Variants in PDE3A observed in about 807,000 individuals in gnomAD.
PDE3A encodes cGMP-inhibited 3',5'-cyclic phosphodiesterase 3A.
A neutral mutation model predicts 98.3 loss-of-function variants in PDE3A; 43 were observed. The ratio of observed to expected loss-of-function variants is 0.44; its 90% confidence interval spans 0.34 to 0.56. The LOEUF (loss-of-function observed/expected upper bound fraction) is 0.56. Among genes scored for constraint, PDE3A ranks in the 20% least tolerant of loss-of-function variants. The pLI, the probability that PDE3A is intolerant of heterozygous loss-of-function variation, is 0.01. For synonymous variants in PDE3A, 663 were observed against 567.9 expected, an observed-to-expected ratio of 1.17 and a Z score of -2.38; for missense variants, 1,427 against 1,440.7, an observed-to-expected ratio of 0.99 and a Z score of 0.15.
At chr12:20,622,694 C>T (rs1234957738) in intron 5 of PDE3A, among the ~76,000 whole-genome samples, 1 of 152,120 alleles carries the variant, frequency 6.6e-6, no homozygotes, top group Admixed American at 6.6e-5. Context: ...GGAGAATCAT[C>T]TGGGACCCCA....
intron 1 of PDE3A, among the ~76,000 whole-genome samples, chr12:20,435,902 C>T (rs1048738831): frequency 6.6e-6 from 1 of 151,982 alleles, no homozygotes; most frequent in East Asian, 1.9e-4. Context: ...CCCACCCCTG[C>T]TTTTTTGTTT....
chr12:20,494,528 A>ATGTGTGTCTCTGTGTGTGTT (rs1945883788), intron 1 of PDE3A, among the ~76,000 whole-genome samples: 2 of 151,772 alleles, frequency 1.3e-5, no homozygotes, highest in African/African-American at 4.8e-5. Context: ...AGTGTTATGT[A>ATGTGTGTCTCTGTGTGTGTT]TGTGTGTCTC....
chr12:20,653,887 A>G (rs1032976138), intron 14 of PDE3A, 60 bp from the exon 15 acceptor site: 70 of 1,567,954 alleles, frequency 4.5e-5, no homozygotes, highest in Non-Finnish European at 5.9e-5. Context: ...CTGGGGTTTT[A>G]CATATTTACA....
chr12:20,644,618 G>C (rs544347806), intron 10 of PDE3A, among the ~76,000 whole-genome samples: 3 of 152,040 alleles, frequency 2.0e-5, no homozygotes, highest in Non-Finnish European at 2.9e-5. Flanking sequence ...AAATATGATC[G>C]TAATTCTCTT....
chr12:20,525,700 A>G (rs1344552553), intron 1 of PDE3A, among the ~76,000 whole-genome samples: 1 of 152,200 alleles, frequency 6.6e-6, no homozygotes, highest in African/African-American at 2.4e-5. Flanking sequence ...TGAAGACAGT[A>G]AAATTTGACC....
intron 1 of PDE3A, among the ~76,000 whole-genome samples, chr12:20,495,284 G>C (rs1832053604): frequency 6.6e-6 from 1 of 151,734 alleles, no homozygotes; most frequent in African/African-American, 2.4e-5. Flanking sequence ...AACCTTTATT[G>C]CTGGCACTTA....
rs138000989 is a variant in PDE3A, at chr12:20,577,689, A to G, written c.1011+20979A>G. Among the ~76,000 whole-genome samples the G allele has an allele frequency of 2.4e-3, 373 of 152,284 alleles. 3 individuals are homozygous for G. The highest frequency in any genetic ancestry group is 0.01 in the Middle Eastern group (3 of 294). On this transcript the variant is annotated intron_variant, in intron 2 of 15. Coordinates refer to ENST00000359062, the MANE Select transcript of PDE3A (RefSeq NM_000921.5). ...TATGTTCCAGTTTTGCTAATTTTAA[A>G]AAAGAATGAATCTAGCTTGGATTAC...
intron 2 of PDE3A, among the ~76,000 whole-genome samples, chr12:20,603,869 A>G (rs1943651625): frequency 6.6e-6 from 1 of 152,176 alleles, no homozygotes; most frequent in Admixed American, 6.5e-5. Flanking sequence ...AGAGGAGACA[A>G]GAGCTAAAGA....
At position 20,626,112 on chromosome 12, in the gene PDE3A, A is replaced by T. The variant is rs1482087189; in HGVS notation, c.1541-3796A>T. 1.3e-5 allele frequency among the ~76,000 whole-genome samples: 2 copies of T among 152,150 alleles called. 1 individual carries two copies. Among genetic ancestry groups the T allele is most frequent in the African/African-American group, 4.8e-5 (2 of 41,436 alleles). ...GGTCATCCCTCTAACTTTAGACATG[A>T]TTACATTGAAAGCATTTTAGAAAAT... On this transcript the variant is annotated intron_variant, in intron 5 of 15. Coordinates refer to ENST00000359062, the MANE Select transcript of PDE3A (RefSeq NM_000921.5).
intron 1 of PDE3A, among the ~76,000 whole-genome samples, chr12:20,395,575 GTAT>G (rs200823176): frequency 2.2e-3 from 248 of 112,476 alleles, no homozygotes; most frequent in African/African-American, 8.3e-3. Context: ...TATATACATA[GTAT>G]TATATATGTA....
At chr12:20,438,051 A>G (rs1214168149) in intron 1 of PDE3A, among the ~76,000 whole-genome samples, 1 of 152,036 alleles carries the variant, frequency 6.6e-6, no homozygotes, top group African/African-American at 2.4e-5. Flanking sequence ...AGCCCTGTGC[A>G]AGGCTGTTGC....
intron 1 of PDE3A, among the ~76,000 whole-genome samples, chr12:20,374,894 G>T (rs1254231496): frequency 6.6e-6 from 1 of 151,940 alleles, no homozygotes; most frequent in Non-Finnish European, 1.5e-5. Context: ...AGTTATTGTT[G>T]TGAGTTATAC....
intron 1 of PDE3A, among the ~76,000 whole-genome samples, chr12:20,465,544 G>A (rs1027159254): frequency 6.6e-6 from 1 of 152,002 alleles, no homozygotes; most frequent in South Asian, 2.1e-4. Context: ...CCGAGTAGCG[G>A]GACTACAGGT....
At chr12:20,594,847 A>G (rs1361941997) in intron 2 of PDE3A, among the ~76,000 whole-genome samples, 1 of 152,080 alleles carries the variant, frequency 6.6e-6, no homozygotes, top group Non-Finnish European at 1.5e-5. Context: ...ATTGCCTTAT[A>G]GCATTCTGAA....
chr12:20,471,934 C>T lies in PDE3A; in HGVS notation c.961-84726C>T, dbSNP rs149154468. 5.1e-3 allele frequency among the ~76,000 whole-genome samples: 769 copies of T among 152,244 alleles called. 7 individuals are homozygous for T. The highest frequency in any genetic ancestry group is 0.017 in the African/African-American group (716 of 41,556). ...TTAGAATATTTTTTAACCAGCGTGG[C>T]ATTGACGCGATTGGTCAGAAAGAAC... On this transcript the variant is annotated intron_variant, in intron 1 of 15. Coordinates refer to ENST00000359062, the MANE Select transcript of PDE3A (RefSeq NM_000921.5).
chr12:20,482,243 TA>T (rs58290740), intron 1 of PDE3A, among the ~76,000 whole-genome samples: 10,962 of 147,544 alleles, frequency 0.074, 840 homozygotes, highest in African/African-American at 0.2. Context: ...TTTTTTTCTG[TA>T]AAAAAAAAAA....
chr12:20,484,825 T>A (rs1361508659), intron 1 of PDE3A, among the ~76,000 whole-genome samples: 1 of 152,134 alleles, frequency 6.6e-6, no homozygotes, highest in African/African-American at 2.4e-5. Context: ...CCAGTTGTAA[T>A]TCGTGTTTAA....
Position 20,660,726 on chromosome 12 carries a change from C to T in PDE3A, c.3184+6521C>T, listed in dbSNP as rs146243869. Among the ~76,000 whole-genome samples, 1,294 of 152,276 alleles carry T rather than the reference C, an allele frequency of 8.5e-3. 22 individuals are homozygous for T. Among genetic ancestry groups the T allele is most frequent in the African/African-American group, 0.03 (1,236 of 41,560 alleles). On this transcript the variant is annotated intron_variant, in intron 15 of 15. Coordinates refer to ENST00000359062, the MANE Select transcript of PDE3A (RefSeq NM_000921.5). ...CCATGTAAGATGTGAGTTGCTTCTC[C>T]TTGCCTTCCTGTATGATTGTGAGGC...
At chr12:20,576,569 A>G (rs146666329) in intron 2 of PDE3A, among the ~76,000 whole-genome samples, 3 of 152,276 alleles carry the variant, frequency 2.0e-5, no homozygotes, top group Admixed American at 6.5e-5. Flanking sequence ...TTGGTCTTAC[A>G]TGATGTGAAA....
Sources: gnomAD v4.1 joint callset for allele counts (sites outside exome capture counted in the v4.1 genomes callset) on GRCh38, gnomAD v4.1.1 for gene constraint, MANE v1.5 for transcripts, NCBI Gene and HGNC (gene_info 2026-07-23, HGNC 2026-07-21) for gene names.